CERS5: variants seen among roughly 807,000 people sequenced by gnomAD.
CERS5 encodes ceramide synthase 5.
A neutral mutation model predicts 58.9 loss-of-function variants in CERS5; 37 were observed. That is an observed-to-expected ratio of 0.63 (90% CI 0.48 to 0.83). The LOEUF (loss-of-function observed/expected upper bound fraction) is 0.83. Ranked by LOEUF, CERS5 falls within the 40% of genes least tolerant of loss-of-function variation. The probability of loss-of-function intolerance (pLI) is 0.00; values close to 1 mark genes in which losing one functional copy is unlikely to be tolerated. For synonymous variants in CERS5, 147 were observed against 177.8 expected (o/e 0.83, Z 1.38); for missense variants, 398 against 489.3 (o/e 0.81, Z 1.76).
At chr12:50,155,025 T>G (rs1000678764) in intron 1 of CERS5, among the ~76,000 whole-genome samples, 1 of 152,058 alleles carries the variant, frequency 6.6e-6, no homozygotes, top group Non-Finnish European at 1.5e-5. Flanking sequence ...GCCTGGTTAA[T>G]TTTTGCATTT....
At position 50,160,304 on chromosome 12, in the gene CERS5, CAAAAAAAAAA is replaced by C. The variant is rs754917459; in HGVS notation, c.197+6787_197+6796del. On this transcript the variant is annotated intron_variant, in intron 1 of 9. Coordinates refer to ENST00000317551, the MANE Select transcript of CERS5 (RefSeq NM_147190.5). ...TGGGCAACAGAGCGAGACTCTGTCTCAAAAAAAAAAAAAAGAAAAAAAAAAGAAAAGAAAA... is the reference window on the plus strand; with the variant it reads ...TGGGCAACAGAGCGAGACTCTGTCTCAAAAGAAAAAAAAAAGAAAAGAAAA... 1.1e-4 allele frequency among the ~76,000 whole-genome samples: 9 copies of C among 84,802 alleles called. No homozygotes were observed. The South Asian group carries it at 3.4e-3, about 32-fold the overall frequency. 55.6% of individuals were successfully genotyped at this position (84,802 alleles called of 152,430 possible).
chr12:50,144,100 T>A (rs573760695), intron 1 of CERS5, 43 bp from the exon 2 acceptor site: 170 of 1,148,384 alleles, frequency 1.5e-4, no homozygotes, highest in Non-Finnish European at 1.9e-4. Context: ...TTTAAAAAAA[T>A]TTTATTTATA....
At chr12:50,163,310 T>C (rs917405277) in intron 1 of CERS5, among the ~76,000 whole-genome samples, 2 of 152,086 alleles carry the variant, frequency 1.3e-5, no homozygotes, top group Non-Finnish European at 2.9e-5. Flanking sequence ...GCCATTCTCC[T>C]GCCTCAGCCT....
chr12:50,144,747 TAAACTTGGTA>T (rs1592374881), intron 1 of CERS5: 1 of 1,447,070 alleles, frequency 6.9e-7, no homozygotes, highest in Non-Finnish European at 9.4e-7. Context: ...ATAAGGCATA[TAAACTTGGTA>T]AAATCACTTA....
intron 1 of CERS5, among the ~76,000 whole-genome samples, chr12:50,148,923 AAAAAATATAT>A (rs1203184183): frequency 1.4e-5 from 1 of 73,716 alleles, no homozygotes; most frequent in Non-Finnish European, 2.5e-5. Flanking sequence ...AAAAAAAAAA[AAAAAATATAT>A]ATATATATAT....
intron 1 of CERS5, among the ~76,000 whole-genome samples, chr12:50,164,370 G>A (rs1388828703): frequency 6.6e-6 from 1 of 151,936 alleles, no homozygotes; most frequent in African/African-American, 2.4e-5. Flanking sequence ...AAGAGGTCGA[G>A]GCTGGAGTGA....
chr12:50,133,874 C>G (rs992264071), intron 9 of CERS5: 1 of 452,546 alleles, frequency 2.2e-6, no homozygotes, highest in Non-Finnish European at 2.9e-6. Flanking sequence ...GAGTTAGAGA[C>G]CAGCCTGGCC....
chr12:50,162,257 G>C (rs1939392694), intron 1 of CERS5, among the ~76,000 whole-genome samples: 4 of 141,824 alleles, frequency 2.8e-5, no homozygotes, highest in South Asian at 4.5e-4. Flanking sequence ...TCAAATACTA[G>C]AATACTAGAA....
At chr12:50,134,323 A>G (rs1951507020) in intron 9 of CERS5, 1 of 1,198,428 alleles carries the variant, frequency 8.3e-7, no homozygotes, top group Non-Finnish European at 1.1e-6. Flanking sequence ...GCAGTAAGCT[A>G]TGATCATGCC....
At chr12:50,143,771 C>T (rs1420308200) in intron 2 of CERS5, 181 bp downstream of exon 2, 9 of 515,306 alleles carry the variant, frequency 1.7e-5, no homozygotes, top group Admixed American at 3.2e-5. Flanking sequence ...ACTTGACATA[C>T]GTAGGGCCCA....
At chr12:50,136,169 C>T in intron 6 of CERS5, 100 bp from the exon 7 acceptor site, 3 of 1,127,814 alleles carry the variant, frequency 2.7e-6, no homozygotes, top group Non-Finnish European at 3.6e-6. Context: ...CTTACCCCAC[C>T]CCATATAGAA....
chr12:50,161,706 A>C (rs551244860), intron 1 of CERS5, among the ~76,000 whole-genome samples: 1 of 145,396 alleles, frequency 6.9e-6, no homozygotes, highest in African/African-American at 2.5e-5. Flanking sequence ...GAACCTGGGA[A>C]GCAGAGGCTG....
intron 1 of CERS5, among the ~76,000 whole-genome samples, chr12:50,151,702 G>A (rs908153022): frequency 3.3e-5 from 5 of 152,184 alleles, no homozygotes; most frequent in African/African-American, 1.2e-4. Context: ...ACCTGGGCTG[G>A]AGTGCAATGG....
intron 6 of CERS5, 42 bp from the exon 7 acceptor site, chr12:50,136,111 C>A: frequency 6.9e-7 from 1 of 1,458,530 alleles, no homozygotes; most frequent in Non-Finnish European, 9.0e-7. Flanking sequence ...AAAAGCTGGG[C>A]CCTAGAAACA....
chr12:50,150,533 A>G (rs1180934225), intron 1 of CERS5, among the ~76,000 whole-genome samples: 2 of 152,168 alleles, frequency 1.3e-5, no homozygotes, highest in African/African-American at 2.4e-5. Context: ...AGAACAGAAT[A>G]TACGAATACA....
chr12:50,142,814 C>T (rs1952046074), intron 3 of CERS5, among the ~76,000 whole-genome samples: 4 of 152,138 alleles, frequency 2.6e-5, no homozygotes, highest in Admixed American at 2.6e-4. Flanking sequence ...TACATAAGTA[C>T]AGTTATAAGG....
chr12:50,144,779 T>C, intron 1 of CERS5: 1 of 1,524,624 alleles, frequency 6.6e-7, no homozygotes, highest in Non-Finnish European at 8.8e-7. Context: ...CTCTTGGGTC[T>C]TGGTTTCATC....
intron 9 of CERS5, 58 bp from the exon 10 acceptor site, chr12:50,130,752 C>G: frequency 6.7e-7 from 1 of 1,481,994 alleles, no homozygotes; most frequent in Non-Finnish European, 9.2e-7. Flanking sequence ...GACACCTAAG[C>G]TCAGAGACCC....
intron 1 of CERS5, among the ~76,000 whole-genome samples, chr12:50,158,060 CA>C (rs11388385): frequency 0.27 from 22,313 of 81,238 alleles, 1,765 homozygotes; most frequent in East Asian, 0.61. Context: ...AGACCATGAC[CA>C]AAAAAAAAAA....
Sources: allele counts gnomAD v4.1 joint callset (sites outside exome capture counted in the v4.1 genomes callset), GRCh38; gene constraint gnomAD v4.1.1; transcripts MANE v1.5; gene names NCBI Gene and HGNC (gene_info 2026-07-23, HGNC 2026-07-21).